The following DGKB variants were observed in gnomAD, a reference collection of about 807,000 sequenced individuals.
DGKB encodes the protein 90 kDa diacylglycerol kinase.
Under a neutral mutation model 114.3 loss-of-function variants are expected in DGKB, and 67 were observed. The observed-to-expected ratio is 0.59, with a 90% confidence interval of 0.48 to 0.72. DGKB has a LOEUF of 0.72. Among genes scored for constraint, DGKB ranks in the 30% least tolerant of loss-of-function variants. The pLI is 0.00. For synonymous variants in DGKB, 398 were observed against 323.1 expected (o/e 1.23, Z -2.49); for missense variants, 907 against 975.2 (o/e 0.93, Z 0.93).
chr7:14,400,185 T>C (rs929492790), intron 21 of DGKB, among the ~76,000 whole-genome samples: 3 of 151,856 alleles, frequency 2.0e-5, no homozygotes, highest in African/African-American at 7.2e-5. Flanking sequence ...ATGATTTCAT[T>C]TCCTTGTGAC....
chr7:14,417,341 T>G (rs1825866804), intron 21 of DGKB, among the ~76,000 whole-genome samples: 1 of 152,064 alleles, frequency 6.6e-6, no homozygotes, highest in Admixed American at 6.6e-5. Flanking sequence ...ACTAGCAACT[T>G]TAATGTTCAC....
chr7:14,966,448 A>G (rs62448582), intron 1 of DGKB, among the ~76,000 whole-genome samples: 7,028 of 148,858 alleles, frequency 0.047, 235 homozygotes, highest in Non-Finnish European at 0.077. Flanking sequence ...ATTTGTGTGT[A>G]TATATATATA....
chr7:14,841,413 G>A lies in DGKB; in HGVS notation c.-150C>T. On this transcript the variant is annotated 5_prime_UTR_variant, in exon 2 of 26. Coordinates refer to ENST00000402815, the MANE Select transcript of DGKB (RefSeq NM_001350709.2). ...ATATGCAATCTGTCCACATGAAACT[G>A]CTTTGGATGCTTGTAATTTCAATAA... 1.9e-6 allele frequency: 1 copy of A among 518,426 alleles called. No homozygotes were observed. The highest frequency in any genetic ancestry group is 3.4e-6 in the Non-Finnish European group (1 of 296,692). 32.1% of individuals were successfully genotyped at this position (518,426 alleles called of 1,614,324 possible). A position where few individuals can be genotyped will look rare whatever the true frequency, so the allele number is the denominator to read the frequency against.
chr7:14,584,068 C>T (rs568577735), intron 17 of DGKB, among the ~76,000 whole-genome samples: 23 of 152,250 alleles, frequency 1.5e-4, no homozygotes, highest in African/African-American at 4.8e-4. Context: ...TAAAACTGTG[C>T]TATACATACT....
intron 13 of DGKB, among the ~76,000 whole-genome samples, chr7:14,649,604 C>T (rs1384875082): frequency 6.6e-6 from 1 of 151,538 alleles, no homozygotes; most frequent in Non-Finnish European, 1.5e-5. Flanking sequence ...GCAAAATCAC[C>T]AGCTAACATC....
At chr7:14,291,847 C>A (rs73052178) in intron 23 of DGKB, among the ~76,000 whole-genome samples, 11,267 of 152,136 alleles carry the variant, frequency 0.074, 534 homozygotes, top group East Asian at 0.14. Context: ...CATTTTGCTT[C>A]TTTAATCATC....
chr7:14,543,690 C>T (rs1482990964), intron 20 of DGKB, among the ~76,000 whole-genome samples: 2 of 152,268 alleles, frequency 1.3e-5, no homozygotes, highest in South Asian at 2.1e-4. Flanking sequence ...GAATTTAGCA[C>T]AATGTTACTC....
chr7:14,777,143 C>T (rs12699665), intron 2 of DGKB, among the ~76,000 whole-genome samples: 21,673 of 151,972 alleles, frequency 0.14, 1,948 homozygotes, highest in African/African-American at 0.26. Context: ...ATTTGGAAGA[C>T]GTGTTTTTAC....
At chr7:14,644,537 G>C (rs979062094) in intron 13 of DGKB, among the ~76,000 whole-genome samples, 3 of 152,088 alleles carry the variant, frequency 2.0e-5, no homozygotes, top group African/African-American at 7.2e-5. Flanking sequence ...AGAAATCATA[G>C]AACTGAAGAA....
intron 23 of DGKB, among the ~76,000 whole-genome samples, chr7:14,300,641 C>T (rs1803380775): frequency 6.6e-6 from 1 of 151,876 alleles, no homozygotes; most frequent in African/African-American, 2.4e-5. Flanking sequence ...TACATTAGAT[C>T]TTTTTGTTGG....
At chr7:14,213,332 G>T (rs1203873756) in intron 23 of DGKB, among the ~76,000 whole-genome samples, 1 of 152,008 alleles carries the variant, frequency 6.6e-6, no homozygotes, top group African/African-American at 2.4e-5. Context: ...CTCCTTATAT[G>T]AATGATTCTC....
chr7:14,786,628 C>T (rs1050845694), intron 2 of DGKB, among the ~76,000 whole-genome samples: 2 of 152,234 alleles, frequency 1.3e-5, no homozygotes, highest in Non-Finnish European at 2.9e-5. Flanking sequence ...CCTGCTCTCA[C>T]TGCCTGGCTT....
intron 19 of DGKB, among the ~76,000 whole-genome samples, chr7:14,577,541 C>CG (rs564259613): frequency 1.3e-5 from 2 of 151,964 alleles, no homozygotes; most frequent in South Asian, 2.1e-4. Flanking sequence ...GGCGTGAACC[C>CG]GGGGGGCGGA....
intron 23 of DGKB, among the ~76,000 whole-genome samples, chr7:14,229,162 C>T (rs927662386): frequency 2.0e-5 from 3 of 151,912 alleles, no homozygotes; most frequent in South Asian, 4.1e-4. Context: ...AGAAGTTTTC[C>T]AATTTTAAAC....
rs773495899 is a variant in DGKB, at chr7:14,338,614, C to G, written c.2023G>C (p.Glu675Gln). 45 of 1,610,200 alleles carry G rather than the reference C, an allele frequency of 2.8e-5. No homozygotes were observed. In the South Asian group the frequency reaches 3.2e-4, roughly 11 times the overall value. ...SMHGGSNLWG[E>Q]SKKRRSHRRI... is the part of the protein sequence containing the mutation. ...CGATGGCTTCGTCTTTTCTTAGACT[C>G]TCCCCAAAGATTGGATCCTCCATGC... The change falls in exon 23 of 26, where the codon GAG becomes CAG. Residue 675 changes from glutamate to glutamine, a missense_variant. Physicochemically the swap from Glu to Gln is conservative, Grantham distance 29. This residue lies in a region of DGKB where 814 missense variants were observed against 856.6 expected (regional missense o/e 0.95). Transcript: ENST00000402815.
rs549832085 is a variant in DGKB, at chr7:14,483,932, T to G, written c.1771-5707A>C. On this transcript the variant is annotated intron_variant, in intron 20 of 25. Coordinates refer to ENST00000402815, the MANE Select transcript of DGKB (RefSeq NM_001350709.2). ...TATTAAATTTGGATTTATCATCTCT[T>G]GAACTGTGAGACAATACATTTCTGT... Among the ~76,000 whole-genome samples the G allele has an allele frequency of 3.3e-5, 5 of 152,262 alleles. No individual in the cohort carries two copies. The South Asian group carries it at 1.0e-3, about 32-fold the overall frequency.
At chr7:14,452,944 A>ATT (rs1205243116) in intron 21 of DGKB, among the ~76,000 whole-genome samples, 2 of 152,142 alleles carry the variant, frequency 1.3e-5, no homozygotes, top group Non-Finnish European at 2.9e-5. Context: ...TTAAGTTTCT[A>ATT]TAAAGGCTCC....
In DGKB at chr7:14,583,121, C is replaced by G. The variant is rs746817967; in HGVS notation, c.1450G>C (p.Asp484His). 1 of 1,611,354 alleles carries G rather than the reference C, an allele frequency of 6.2e-7. No homozygotes were observed. Among genetic ancestry groups the G allele is most frequent in the East Asian group, 2.2e-5 (1 of 44,734 alleles). Reference protein sequence around the residue: ...GPMPGLNFFRDVPDFRVLACG... With the variant: ...GPMPGLNFFRHVPDFRVLACG... ...GCTAACACTCTGAAGTCAGGAACATCACGGAAAAAGTTTAACCTGAAAAAT... is the reference window on the plus strand; with the variant it reads ...GCTAACACTCTGAAGTCAGGAACATGACGGAAAAAGTTTAACCTGAAAAAT... The change falls in exon 18 of 26, where the codon GAT becomes CAT. Residue 484 changes from aspartate (D) to histidine (H), a missense_variant. Physicochemically the swap from Asp to His is moderately conservative, Grantham distance 81 (BLOSUM62 -1). Around this residue, in one of 3 missense-constraint regions of DGKB, gnomAD observed 814 missense variants for 856.6 expected, o/e 0.95. Coordinates refer to ENST00000402815, the MANE Select transcript of DGKB (RefSeq NM_001350709.2).
At chr7:14,401,965 C>CAA (rs1270555138) in intron 21 of DGKB, among the ~76,000 whole-genome samples, 34 of 142,880 alleles carry the variant, frequency 2.4e-4, no homozygotes, top group Admixed American at 6.4e-4. Context: ...ATAATTTGTA[C>CAA]ACACACACAC....
Sources: allele counts gnomAD v4.1 joint callset (sites outside exome capture counted in the v4.1 genomes callset), GRCh38; gene constraint gnomAD v4.1.1; regional missense constraint gnomAD v4.1.1; transcripts MANE v1.5; gene names NCBI Gene and HGNC (gene_info 2026-07-23, HGNC 2026-07-21).